Variants in CYB5R2 observed in about 807,000 individuals in gnomAD.
The protein encoded by CYB5R2 is cytochrome b5 reductase 2.
A neutral mutation model predicts 29.8 loss-of-function variants in CYB5R2; 35 were observed. That is an observed-to-expected ratio of 1.17 (90% confidence interval 0.90 to 1.56). The LOEUF (loss-of-function observed/expected upper bound fraction) is 1.56, where lower values mean the gene tolerates loss of function less well. Ranked by LOEUF, CYB5R2 falls within the 40% of genes most tolerant of loss-of-function variation. CYB5R2 has a pLI of 0.00. For synonymous variants in CYB5R2, 169 were observed against 130.6 expected, an observed-to-expected ratio of 1.29 and a Z score of -2.01; for missense variants, 419 against 346.7, an observed-to-expected ratio of 1.21 and a Z score of -1.66.
At position 7,665,258 on chromosome 11, in the gene CYB5R2, G is replaced by T; in HGVS notation, c.*116C>A. The T allele has an allele frequency of 1.1e-6, 1 of 890,246 alleles. No individual in the cohort carries two copies. The highest frequency in any genetic ancestry group is 1.7e-6 in the Non-Finnish European group (1 of 595,018). 55.1% of individuals were successfully genotyped at this position (890,246 alleles called of 1,614,324 possible). Reference sequence around the variant, plus strand: ...ACCCAAAAGAGGAGAACCAGTGTGTGCGCGAAGGTACATGGCAAGGCACTT... The same window carrying T: ...ACCCAAAAGAGGAGAACCAGTGTGTTCGCGAAGGTACATGGCAAGGCACTT... On this transcript the variant is annotated 3_prime_UTR_variant, in exon 9 of 9. Transcript: ENST00000299498.
In CYB5R2 at chr11:7,668,457, G is replaced by T. The variant is rs1423281109; in HGVS notation, c.472+21C>A. On this transcript the variant is annotated intron_variant, in intron 6 of 8. Transcript: ENST00000299498. ...GGTCTCGGGGCTCACTCTCTGGATG[G>T]AGCCCCTAGAAGCCTCTTACCTGTG... is the stretch of plus-strand genomic sequence containing the variant. 6 of 1,594,000 alleles carry T rather than the reference G, an allele frequency of 3.8e-6. No homozygotes were observed. In the Admixed American group the frequency reaches 5.0e-5, roughly 13 times the overall value.
At chr11:7,668,841 C>T (rs1475989262) in intron 5 of CYB5R2, 5 of 581,430 alleles carry the variant, frequency 8.6e-6, no homozygotes, top group Middle Eastern at 9.0e-4. Context: ...ACTCAAAGAG[C>T]ATTCTCACTC....
chr11:7,665,773 T>C, intron 8 of CYB5R2: 1 of 1,437,876 alleles, frequency 7.0e-7, no homozygotes. Flanking sequence ...GAAGCCCTGC[T>C]GCTGTCTGTC....
At chr11:7,673,573 C>G (rs1163992981), upstream of CYB5R2, 3 of 985,412 alleles carry the variant, frequency 3.0e-6, no homozygotes, top group Non-Finnish European at 3.6e-6. Context: ...TCTCCCCACG[C>G]CTCCCGCTCC....
chr11:7,665,267 T>C lies in CYB5R2; in HGVS notation c.*107A>G, dbSNP rs986056950. ...AGGAGAACCAGTGTGTGCGCGAAGG[T>C]ACATGGCAAGGCACTTTTGAAAACA... On this transcript the variant is annotated 3_prime_UTR_variant, in exon 9 of 9. Transcript: ENST00000299498. 4.0e-6 allele frequency: 4 copies of C among 1,001,402 alleles called. No individual in the cohort carries two copies. In the African/African-American group the frequency reaches 4.9e-5, roughly 12 times the overall value. 62.0% of individuals were successfully genotyped at this position (1,001,402 alleles called of 1,614,324 possible).
At chr11:7,669,496 G>A (rs1212507098) in intron 4 of CYB5R2, 129 bp downstream of exon 4, 1 of 1,214,026 alleles carries the variant, frequency 8.2e-7, no homozygotes, top group African/African-American at 1.5e-5. Context: ...AAGGTTAACT[G>A]TAGCTTCACT....
intron 3 of CYB5R2, chr11:7,672,027 A>ACTT (rs1855772655): frequency 1.2e-5 from 2 of 166,688 alleles, no homozygotes; most frequent in South Asian, 1.6e-4. Flanking sequence ...GGTGCACAAT[A>ACTT]CTTTGTAGTT....
chr11:7,673,122 C>G (rs928357021), intron 1 of CYB5R2: 16 of 453,054 alleles, frequency 3.5e-5, no homozygotes, highest in African/African-American at 3.0e-4. Context: ...TTTCAGGCCC[C>G]TGGAGCAGGC....
chr11:7,672,208 G>A (rs993604977), intron 3 of CYB5R2: 1 of 477,318 alleles, frequency 2.1e-6, no homozygotes, highest in African/African-American at 1.9e-5. Context: ...TTTGGCTCTA[G>A]GTTCAGTTCT....
rs1446674144 is a variant in CYB5R2, at chr11:7,667,571, C to A, written c.558+157G>T. 3 of 693,164 alleles carry A rather than the reference C, an allele frequency of 4.3e-6. No homozygotes were observed. The East Asian group carries it at 7.6e-5, about 17-fold the overall frequency. 42.9% of individuals were successfully genotyped at this position (693,164 alleles called of 1,614,324 possible). A position where few individuals can be genotyped will look rare whatever the true frequency, so the allele number is the denominator to read the frequency against. ...ATGCAAAAAGCAGGCCTGGACTCAG[C>A]TTCTCCAGCTGCCAGCAGCCCTGTT... On this transcript the variant is annotated intron_variant, in intron 7 of 8. Coordinates refer to ENST00000299498, the MANE Select transcript of CYB5R2 (RefSeq NM_016229.5).
rs1449688598 is a variant in CYB5R2 at position 7,667,710 on chromosome 11, A to C, written c.558+18T>G. The stretch of plus-strand genomic sequence containing the variant: ...GCAAACATTCCATCCTACCACTGCA[A>C]GCTCAGCAGGAACTGACCTGGTTGG... On this transcript the variant is annotated intron_variant, in intron 7 of 8. Coordinates refer to ENST00000299498, the MANE Select transcript of CYB5R2 (RefSeq NM_016229.5). 6.2e-7 allele frequency: 1 copy of C among 1,601,904 alleles called. No individual in the cohort carries two copies. The highest frequency in any genetic ancestry group is 1.7e-5 in the Admixed American group (1 of 60,004).
chr11:7,673,661 G>A (rs1855901656), upstream of CYB5R2: 3 of 985,234 alleles, frequency 3.0e-6, no homozygotes, highest in African/African-American at 1.7e-5. Flanking sequence ...CCTTCCGGCC[G>A]TCCCGACGGA....
chr11:7,667,526 G>A (rs867547231), intron 7 of CYB5R2: 2 of 549,040 alleles, frequency 3.6e-6, no homozygotes, highest in Middle Eastern at 7.8e-4. Flanking sequence ...TGGCTGAGGA[G>A]ACACAAAAGA....
chr11:7,672,850 A>G lies in CYB5R2; in HGVS notation c.-25T>C. ...TGCTCTTCAGGACCAACACGAGCAC[A>G]GTGACCCCAGTGACGGTGATGGTCA... On this transcript the variant is annotated 5_prime_UTR_variant, in exon 2 of 9. Transcript: ENST00000299498. 1 of 1,614,048 alleles carries G rather than the reference A, an allele frequency of 6.2e-7. No individual in the cohort carries two copies.
At chr11:7,673,952 G>T (rs2136137496), upstream of CYB5R2, 14 of 1,006,278 alleles carry the variant, frequency 1.4e-5, no homozygotes, top group Non-Finnish European at 1.5e-5. Context: ...TCTCACTCAC[G>T]AGCCGCTGGC....
At position 7,666,451 on chromosome 11, in the gene CYB5R2, C is replaced by A. The variant is rs754982959; in HGVS notation, c.658G>T (p.Gly220Cys). 2.5e-6 allele frequency: 4 copies of A among 1,604,194 alleles called. No individual in the cohort carries two copies. In the South Asian group the frequency reaches 4.4e-5, roughly 18 times the overall value. The change falls in exon 8 of 9, where the codon GGC becomes TGC. Residue 220 changes from glycine to cysteine, a missense_variant and splice_region_variant. By Grantham distance (159) the Gly-to-Cys change is radical. Transcript: ENST00000299498. ...LWYTLDRPPIGWKYSSGFVTA... is the reference protein window; with the variant it reads ...LWYTLDRPPICWKYSSGFVTA... ...TGAGTGAGGGCAATGGATGTCGTACCAATGGGAGGCCTGTCCAGGGTGTAC... is the reference window on the plus strand; with the variant it reads ...TGAGTGAGGGCAATGGATGTCGTACAAATGGGAGGCCTGTCCAGGGTGTAC...
chr11:7,672,719 G>GCCTT (rs1565157732), intron 2 of CYB5R2, 29 bp downstream of exon 2: 1 of 1,613,830 alleles, frequency 6.2e-7, no homozygotes, highest in Non-Finnish European at 8.5e-7. Flanking sequence ...TCCACTTACT[G>GCCTT]CCTTCCACCC....
At chr11:7,671,459 A>C (rs1181380006) in intron 3 of CYB5R2, 2 of 152,278 alleles carry the variant, frequency 1.3e-5, no homozygotes, top group Non-Finnish European at 2.9e-5. Flanking sequence ...GCAGTTTCTA[A>C]GCAATTCTCT....
At chr11:7,673,278 G>A in intron 1 of CYB5R2, 141 bp downstream of exon 1, 2 of 771,664 alleles carry the variant, frequency 2.6e-6, no homozygotes, top group Non-Finnish European at 3.3e-6. Context: ...AGTCCCTAAA[G>A]ACAGAACTAG....
Sources: gnomAD v4.1 joint callset for allele counts on GRCh38, gnomAD v4.1.1 for gene constraint, MANE v1.5 for transcripts, NCBI Gene and HGNC (gene_info 2026-07-23, HGNC 2026-07-21) for gene names.